The following LRIG1 variants were observed in gnomAD, a reference collection of about 807,000 sequenced individuals.
LRIG1 encodes leucine-rich repeats and immunoglobulin-like domains protein 1.
A neutral mutation model predicts 99.2 loss-of-function variants in LRIG1; 48 were observed. The observed-to-expected ratio is 0.48, with a 90% CI of 0.38 to 0.62. LRIG1 has a LOEUF of 0.62. Ranked by LOEUF, LRIG1 falls within the 20% of genes least tolerant of loss-of-function variation. LRIG1 has a pLI of 0.00. For missense variants in LRIG1, 1,646 were observed against 1,434.4 expected, an observed-to-expected ratio of 1.15 and a Z score of -2.38; for synonymous variants, 772 against 596.1, an observed-to-expected ratio of 1.29 and a Z score of -4.30.
intron 3 of LRIG1, among the ~76,000 whole-genome samples, chr3:66,432,269 G>A (rs1400960833): frequency 1.3e-5 from 2 of 152,174 alleles, no homozygotes; most frequent in Non-Finnish European, 2.9e-5. Context: ...AAACTTCAAA[G>A]GGCCTTTGTA....
chr3:66,478,963 C>T (rs1018451669), intron 1 of LRIG1, among the ~76,000 whole-genome samples: 8 of 152,226 alleles, frequency 5.3e-5, no homozygotes, highest in African/African-American at 1.2e-4. Context: ...CTGCAGGCCT[C>T]GGCTCCCTTT....
Position 66,407,458 on chromosome 3 carries a change from G to C in LRIG1, c.969C>G (p.Asp323Glu). Residue 323 changes from aspartate (D) to glutamate (E), a missense_variant, in exon 8 of 19, where the codon GAC (aspartate) becomes GAG (glutamate). Coordinates refer to ENST00000273261, the MANE Select transcript of LRIG1 (RefSeq NM_015541.3). ...VLSFNNLTRL[D>E]EESLAELSSL... ...TGCTCAGCTCGGCCAGGCTCTCCTC[G>C]TCCAGCCGTGTCAGGTTGTTGAAGG... is the stretch of plus-strand genomic sequence containing the variant. 6.2e-7 allele frequency: 1 copy of C among 1,613,906 alleles called. No homozygotes were observed. The highest frequency in any genetic ancestry group is 8.5e-7 in the Non-Finnish European group (1 of 1,180,028).
Position 66,383,011 on chromosome 3 carries a change from T to C in LRIG1, c.2462A>G (p.Lys821Arg). ...GTTGGTGACACTGTACTCTTCACTC[T>C]TCTTCCTGGTCTGGTAGATGATGCA... is the stretch of plus-strand genomic sequence containing the variant. ...WVCIIYQTRK[K>R]SEEYSVTNTD... Residue 821 changes from lysine to arginine, a missense_variant, in exon 15 of 19, where the codon AAG becomes AGG. Transcript: ENST00000273261. The C allele has an allele frequency of 6.2e-7, 1 of 1,613,632 alleles. No homozygotes were observed. The highest frequency in any genetic ancestry group is 1.7e-4 in the Middle Eastern group (1 of 6,056).
chr3:66,470,084 T>G (rs1311840131), intron 1 of LRIG1, among the ~76,000 whole-genome samples: 1 of 152,108 alleles, frequency 6.6e-6, no homozygotes, highest in African/African-American at 2.4e-5. Context: ...AACCTAAAGT[T>G]TTCACCAAAA....
intron 3 of LRIG1, among the ~76,000 whole-genome samples, chr3:66,425,333 G>A (rs1205775523): frequency 1.3e-5 from 2 of 152,374 alleles, no homozygotes; most frequent in East Asian, 1.9e-4. Context: ...TCGGCCAGGT[G>A]GCCCAGCTCT....
intron 3 of LRIG1, among the ~76,000 whole-genome samples, chr3:66,418,088 G>C (rs1388665522): frequency 5.3e-5 from 8 of 149,662 alleles, no homozygotes; most frequent in Non-Finnish European, 1.0e-4. Flanking sequence ...TTTTTTTTTT[G>C]TTTTGTTTTT....
At chr3:66,458,805 T>A (rs1179142805) in intron 2 of LRIG1, among the ~76,000 whole-genome samples, 1 of 151,886 alleles carries the variant, frequency 6.6e-6, no homozygotes, top group Non-Finnish European at 1.5e-5. Flanking sequence ...TCACCTAATG[T>A]CAGGAGTTCA....
At position 66,462,475 on chromosome 3, in the gene LRIG1, G is replaced by T. The variant is rs760031025; in HGVS notation, c.253C>A (p.Pro85Thr). 7 of 1,612,706 alleles carry T rather than the reference G, an allele frequency of 4.3e-6. No individual in the cohort carries two copies. The highest frequency in any genetic ancestry group is 5.9e-6 in the Non-Finnish European group (7 of 1,179,432). The change falls in exon 2 of 19, where the codon CCT (proline) becomes ACT (threonine). Residue 85 changes from proline (P) to threonine (T), a missense_variant. Pro to Thr is a conservative substitution (Grantham distance 38, BLOSUM62 -1). Transcript: ENST00000273261. ...TTCGGCAAGTCCTCAAAACCAGCAG[G>T]GTCAATCTCAGAGAGTTTGTTGTAA... Reference protein sequence around the residue: ...LSYNKLSEIDPAGFEDLPNLQ... With the variant: ...LSYNKLSEIDTAGFEDLPNLQ...
intron 14 of LRIG1, among the ~76,000 whole-genome samples, 149 bp downstream of exon 14, chr3:66,383,832 TTTAAGAAAAA>T (rs1420438733): frequency 1.3e-5 from 2 of 152,110 alleles, no homozygotes; most frequent in Non-Finnish European, 1.5e-5. Context: ...GAAACACTTG[TTTAAGAAAAA>T]TTAACTCAAC....
At chr3:66,473,215 C>T (rs1055890437) in intron 1 of LRIG1, among the ~76,000 whole-genome samples, 1 of 152,216 alleles carries the variant, frequency 6.6e-6, no homozygotes, top group African/African-American at 2.4e-5. Flanking sequence ...TACCTTAGTG[C>T]TACTGGCATC....
chr3:66,428,805 C>G (rs1703063504), intron 3 of LRIG1, among the ~76,000 whole-genome samples: 1 of 152,100 alleles, frequency 6.6e-6, no homozygotes, highest in Non-Finnish European at 1.5e-5. Context: ...AAGAAACAGC[C>G]CAGCCTGGGT....
intron 3 of LRIG1, among the ~76,000 whole-genome samples, chr3:66,434,798 A>G (rs930441212): frequency 1.3e-5 from 2 of 151,984 alleles, no homozygotes; most frequent in Non-Finnish European, 2.9e-5. Flanking sequence ...GCTGGCCATA[A>G]TGTGGAGAAA....
At chr3:66,496,737 T>TAA (rs142673246) in intron 1 of LRIG1, among the ~76,000 whole-genome samples, 2 of 149,684 alleles carry the variant, frequency 1.3e-5, no homozygotes, top group African/African-American at 4.9e-5. Flanking sequence ...CAATCTACTT[T>TAA]AAAAAAAAAA....
intron 3 of LRIG1, among the ~76,000 whole-genome samples, chr3:66,437,725 C>T (rs954572441): frequency 5.3e-5 from 8 of 152,254 alleles, no homozygotes; most frequent in East Asian, 1.9e-4. Context: ...GAAAGACGGA[C>T]GTGGCTACTG....
rs1220171505 is a variant in LRIG1 at position 66,384,021 on chromosome 3, T to C, written c.2041A>G (p.Ile681Val). The C allele has an allele frequency of 6.8e-6, 11 of 1,613,398 alleles. No homozygotes were observed. The highest frequency in any genetic ancestry group is 1.1e-5 in the South Asian group (1 of 91,052). ...ACAGTCAGGGTGGCATTAGCTGAAA[T>C]AGAACCGGCTGAGTTCTGAGCAGTA... Reference protein sequence around the residue: ...SCTAQNSAGSISANATLTVLE... With the variant: ...SCTAQNSAGSVSANATLTVLE... Residue 681 changes from isoleucine to valine, a missense_variant, in exon 14 of 19, where the codon ATT (isoleucine) becomes GTT (valine). Coordinates refer to ENST00000273261, the MANE Select transcript of LRIG1 (RefSeq NM_015541.3).
intron 3 of LRIG1, among the ~76,000 whole-genome samples, chr3:66,446,862 AAATT>A (rs1267040178): frequency 6.6e-6 from 1 of 151,934 alleles, no homozygotes; most frequent in African/African-American, 2.4e-5. Context: ...AAAAAAAAAA[AAATT>A]AGTTTTCAAA....
chr3:66,498,564 TA>T (rs1050819942), intron 1 of LRIG1, among the ~76,000 whole-genome samples: 2,363 of 124,584 alleles, frequency 0.019, 34 homozygotes, highest in African/African-American at 0.038. Flanking sequence ...TGATTCTATT[TA>T]AAAAAAAAAA....
At chr3:66,398,694 A>G (rs1304374526) in intron 10 of LRIG1, among the ~76,000 whole-genome samples, 4 of 152,228 alleles carry the variant, frequency 2.6e-5, no homozygotes, top group Non-Finnish European at 5.9e-5. Flanking sequence ...GAGCCAGTGC[A>G]GGGGTTAGGC....
At chr3:66,475,650 C>T (rs551068547) in intron 1 of LRIG1, among the ~76,000 whole-genome samples, 1 of 152,346 alleles carries the variant, frequency 6.6e-6, no homozygotes, top group South Asian at 2.1e-4. Flanking sequence ...GATCAATAAG[C>T]CAAAGTGGCT....
Sources: allele counts gnomAD v4.1 joint callset (sites outside exome capture counted in the v4.1 genomes callset), GRCh38; gene constraint gnomAD v4.1.1; transcripts MANE v1.5; gene names NCBI Gene and HGNC (gene_info 2026-07-23, HGNC 2026-07-21).